Variants in BBX observed in about 807,000 individuals in gnomAD.
The protein encoded by BBX is HMG box transcription factor BBX.
In BBX, 30 loss-of-function variants were observed where a neutral mutation model predicts 100.2. That is an observed-to-expected ratio of 0.30 (90% confidence interval 0.22 to 0.41). The LOEUF (loss-of-function observed/expected upper bound fraction) is 0.41. BBX is among the 10% of genes least tolerant of loss of function. The pLI is 1.00. For missense variants in BBX, 1,023 were observed against 1,129.8 expected (o/e 0.91, Z 1.35); for synonymous variants, 376 against 388.1 (o/e 0.97, Z 0.37).
chr3:107,786,620 C>T (rs1487837153), intron 13 of BBX, among the ~76,000 whole-genome samples: 1 of 152,050 alleles, frequency 6.6e-6, no homozygotes, highest in East Asian at 1.9e-4. Context: ...GGACACTTAC[C>T]TCATACAATG....
At chr3:107,739,523 G>T (rs1013238431) in intron 7 of BBX, among the ~76,000 whole-genome samples, 1 of 152,074 alleles carries the variant, frequency 6.6e-6, no homozygotes, top group Non-Finnish European at 1.5e-5. Context: ...CAGATAATTG[G>T]GTCCTTTTAC....
At chr3:107,732,840 T>G in intron 6 of BBX, 116 bp from the exon 7 acceptor site, 1 of 817,730 alleles carries the variant, frequency 1.2e-6, no homozygotes, top group Non-Finnish European at 1.9e-6. Flanking sequence ...TTATAAAAAG[T>G]TATATGTGGT....
intron 2 of BBX, among the ~76,000 whole-genome samples, chr3:107,559,906 C>A (rs1559811060): frequency 6.6e-6 from 1 of 151,978 alleles, no homozygotes; most frequent in Non-Finnish European, 1.5e-5. Context: ...CACATGCCTG[C>A]CTTATGTTTG....
At chr3:107,797,362 A>ATG (rs2069816487) in intron 15 of BBX, among the ~76,000 whole-genome samples, 4 of 130,866 alleles carry the variant, frequency 3.1e-5, no homozygotes, top group Non-Finnish European at 4.8e-5. Context: ...ATATATATAT[A>ATG]TAGCTTTATT....
intron 2 of BBX, among the ~76,000 whole-genome samples, chr3:107,575,832 G>T (rs2051733510): frequency 6.6e-6 from 1 of 152,190 alleles, no homozygotes; most frequent in African/African-American, 2.4e-5. Context: ...TGCCAGAAAT[G>T]ATAGTTGTGC....
intron 2 of BBX, among the ~76,000 whole-genome samples, chr3:107,588,838 A>G (rs2107583226): frequency 6.6e-6 from 1 of 152,366 alleles, no homozygotes; most frequent in Non-Finnish European, 1.5e-5. Context: ...AAGACTGGGA[A>G]TAAAAAATAT....
At position 107,737,902 on chromosome 3, in the gene BBX, T is replaced by TTTTTTG. The variant is rs2063765790; in HGVS notation, c.669+4884_669+4885insGTTTTT. On this transcript the variant is annotated intron_variant, in intron 7 of 17. Transcript: ENST00000325805. ...AGTTCCAGTTTTTTTTTTTTTTTTTTTTTTTTTTTTTTAACTATTTGTATG... is the reference window on the plus strand; with the variant it reads ...AGTTCCAGTTTTTTTTTTTTTTTTTTTTTTTGTTTTTTTTTTTTAACTATTTGTATG... Among the ~76,000 whole-genome samples the TTTTTTG allele has an allele frequency of 4.2e-5, 6 of 143,112 alleles. No individual in the cohort carries two copies. The South Asian group carries it at 9.1e-4, about 22-fold the overall frequency. 93.9% of individuals were successfully genotyped at this position (143,112 alleles called of 152,430 possible).
At chr3:107,660,537 T>G (rs1300940240) in intron 3 of BBX, among the ~76,000 whole-genome samples, 1 of 134,858 alleles carries the variant, frequency 7.4e-6, no homozygotes, top group Non-Finnish European at 1.6e-5. Context: ...AGCATGTAGC[T>G]CACAAAACCT....
chr3:107,607,884 G>A (rs1233777007), intron 2 of BBX, among the ~76,000 whole-genome samples: 1 of 152,006 alleles, frequency 6.6e-6, no homozygotes. Flanking sequence ...CAGATCTTTT[G>A]GCCATTTTAA....
At chr3:107,574,376 CTT>C (rs893179428) in intron 2 of BBX, among the ~76,000 whole-genome samples, 38 of 152,290 alleles carry the variant, frequency 2.5e-4, no homozygotes, top group African/African-American at 7.9e-4. Flanking sequence ...TTATTTCACT[CTT>C]TGCAATTTAG....
chr3:107,528,890 G>C (rs567052858), intron 2 of BBX, among the ~76,000 whole-genome samples: 1 of 152,048 alleles, frequency 6.6e-6, no homozygotes, highest in Non-Finnish European at 1.5e-5. Flanking sequence ...AACAGTATAT[G>C]TTTTCTTACA....
At chr3:107,613,717 G>A (rs377568415) in intron 2 of BBX, among the ~76,000 whole-genome samples, 2 of 152,026 alleles carry the variant, frequency 1.3e-5, no homozygotes, top group Admixed American at 6.6e-5. Flanking sequence ...ATTTTAAAAT[G>A]TAAAGATTTA....
intron 2 of BBX, among the ~76,000 whole-genome samples, chr3:107,544,208 G>T (rs918216480): frequency 2.0e-5 from 3 of 152,194 alleles, no homozygotes; most frequent in Non-Finnish European, 2.9e-5. Context: ...CTGGGCAGCT[G>T]CGACTCTATT....
intron 2 of BBX, among the ~76,000 whole-genome samples, chr3:107,638,941 A>G (rs1392371867): frequency 1.3e-5 from 2 of 151,884 alleles, no homozygotes; most frequent in Non-Finnish European, 2.9e-5. Context: ...GTAAGCCAAG[A>G]TTGCACCACT....
chr3:107,578,123 G>C (rs1028509251), intron 2 of BBX, among the ~76,000 whole-genome samples: 25 of 152,312 alleles, frequency 1.6e-4, no homozygotes, highest in African/African-American at 5.5e-4. Flanking sequence ...TGTTTGACTA[G>C]TCAATGTTCT....
chr3:107,771,357 G>A (rs1259851991), intron 10 of BBX, among the ~76,000 whole-genome samples: 2 of 152,200 alleles, frequency 1.3e-5, no homozygotes, highest in Non-Finnish European at 2.9e-5. Flanking sequence ...CTGGGAGCCA[G>A]AGAGGAAAAT....
intron 3 of BBX, among the ~76,000 whole-genome samples, chr3:107,656,516 T>C (rs938424003): frequency 6.6e-6 from 1 of 152,164 alleles, no homozygotes; most frequent in African/African-American, 2.4e-5. Context: ...TTTATAGACT[T>C]TAATTGTATA....
At chr3:107,621,941 T>G (rs1438795242) in intron 2 of BBX, among the ~76,000 whole-genome samples, 2 of 152,234 alleles carry the variant, frequency 1.3e-5, no homozygotes, top group African/African-American at 4.8e-5. Context: ...AAAAAAACTT[T>G]AATTTTTCGA....
intron 2 of BBX, among the ~76,000 whole-genome samples, chr3:107,623,571 A>G (rs1157015015): frequency 2.7e-4 from 41 of 152,150 alleles, no homozygotes; most frequent in Non-Finnish European, 1.5e-5. Flanking sequence ...TTGCTTTAGT[A>G]TGGAAATCAT....
Sources: gnomAD v4.1 joint callset for allele counts (sites outside exome capture counted in the v4.1 genomes callset) on GRCh38, gnomAD v4.1.1 for gene constraint, MANE v1.5 for transcripts, NCBI Gene and HGNC (gene_info 2026-07-23, HGNC 2026-07-21) for gene names.